SPIRE1: variants seen among roughly 807,000 people sequenced by gnomAD.
SPIRE1 encodes the protein spire type actin nucleation factor 1, also known as protein spire homolog 1.
SPIRE1 carries 40 observed loss-of-function variants against 94.1 expected under a neutral mutation model. That is an observed-to-expected ratio of 0.43 (90% confidence interval 0.33 to 0.55). SPIRE1 has a LOEUF of 0.55. Among genes scored for constraint, SPIRE1 ranks in the 20% least tolerant of loss-of-function variants. The probability of loss-of-function intolerance (pLI) is 0.06; values close to 1 mark genes in which losing one functional copy is unlikely to be tolerated. For missense variants in SPIRE1, 838 were observed against 975.2 expected, an observed-to-expected ratio of 0.86 and a Z score of 1.87; for synonymous variants, 376 against 371.7, an observed-to-expected ratio of 1.01 and a Z score of -0.13.
intron 4 of SPIRE1, among the ~76,000 whole-genome samples, chr18:12,513,814 C>T (rs1340462292): frequency 1.3e-5 from 2 of 151,970 alleles, no homozygotes; most frequent in Non-Finnish European, 2.9e-5. Context: ...TAAGCCACTG[C>T]TCCCGGTCTG....
rs142226113 is a variant in SPIRE1 at position 12,452,320 on chromosome 18, C to G, written c.1947G>C (p.Gly649=). ...GTTTTTCTGACCTCATACTACTTTC[C>G]CCTCTTTGCAGAGCAGAAGGTCCCA... The part of the protein sequence containing the change: ...FSLGPSALQR[G]ESSMRSEKPS... The change falls in exon 16 of 17, where the codon GGG becomes GGC. Residue 649 remains glycine, a synonymous_variant. Transcript: ENST00000409402. 346 of 1,614,030 alleles carry G rather than the reference C, an allele frequency of 2.1e-4. 3 individuals are homozygous for G. In the African/African-American group the frequency reaches 3.8e-3, roughly 18 times the overall value.
chr18:12,624,738 GAC>G (rs2037572885), intron 2 of SPIRE1, among the ~76,000 whole-genome samples: 1 of 145,244 alleles, frequency 6.9e-6, no homozygotes, highest in Non-Finnish European at 1.5e-5. Flanking sequence ...GGGAGGCTGA[GAC>G]AGAATTGCTT....
rs2037887108 is a variant in SPIRE1 at position 12,635,069 on chromosome 18, T to C, written c.365A>G (p.Glu122Gly). ...TTTGAGTATTTCACTTACCTCTGTT[T>C]CCATACATTGTGAATATCCCAATTT... is the stretch of plus-strand genomic sequence containing the variant. ...AGKLGYSQCM[E>G]TEVIESLGII... The change falls in exon 2 of 17, where the codon GAA becomes GGA. Residue 122 changes from glutamate to glycine, a missense_variant. Around this residue, in one of 2 missense-constraint regions of SPIRE1, gnomAD observed 645 missense variants for 804.7 expected, o/e 0.80. Coordinates refer to ENST00000409402, the MANE Select transcript of SPIRE1 (RefSeq NM_001128626.2). 6.9e-7 allele frequency: 1 copy of C among 1,458,674 alleles called. No homozygotes were observed. Among genetic ancestry groups the C allele is most frequent in the Non-Finnish European group, 9.4e-7 (1 of 1,066,066 alleles). 90.4% of individuals were successfully genotyped at this position (1,458,674 alleles called of 1,614,324 possible). A position where few individuals can be genotyped will look rare whatever the true frequency, so the allele number is the denominator to read the frequency against.
At chr18:12,584,613 A>G (rs1445377845) in intron 2 of SPIRE1, among the ~76,000 whole-genome samples, 1 of 152,112 alleles carries the variant, frequency 6.6e-6, no homozygotes, top group African/African-American at 2.4e-5. Context: ...ATCCATAGTC[A>G]CAATAGGAAA....
intron 1 of SPIRE1, among the ~76,000 whole-genome samples, chr18:12,654,686 C>T (rs1159278683): frequency 1.3e-5 from 2 of 151,730 alleles, no homozygotes; most frequent in African/African-American, 4.8e-5. Flanking sequence ...ACTTATTTTC[C>T]CCAACTCTTC....
intron 8 of SPIRE1, among the ~76,000 whole-genome samples, chr18:12,489,578 A>C (rs1275071479): frequency 6.6e-6 from 1 of 152,244 alleles, no homozygotes; most frequent in Non-Finnish European, 1.5e-5. Flanking sequence ...GATCAGAGAC[A>C]TGAACAAAGA....
chr18:12,543,846 T>C (rs1327923815), intron 3 of SPIRE1, among the ~76,000 whole-genome samples: 2 of 152,242 alleles, frequency 1.3e-5, no homozygotes, highest in African/African-American at 2.4e-5. Context: ...TTGTCTTCTC[T>C]TCCAACAAAG....
chr18:12,571,410 A>G (rs527399284), intron 2 of SPIRE1, among the ~76,000 whole-genome samples: 94 of 152,250 alleles, frequency 6.2e-4, no homozygotes, highest in African/African-American at 2.1e-3. Flanking sequence ...AGCTTGGTAG[A>G]ATCATGTAAA....
chr18:12,547,920 A>AAAACAAACAAAC (rs139102568), intron 2 of SPIRE1, among the ~76,000 whole-genome samples: 7 of 151,542 alleles, frequency 4.6e-5, no homozygotes, highest in Admixed American at 6.6e-5. Context: ...CTATCTCATA[A>AAAACAAACAAAC]AAACAAACAA....
chr18:12,589,243 A>T (rs1012530172), intron 2 of SPIRE1, among the ~76,000 whole-genome samples: 3 of 152,206 alleles, frequency 2.0e-5, no homozygotes, highest in African/African-American at 7.2e-5. Context: ...TAAGTAAGTA[A>T]CAGAGCCAGA....
At chr18:12,500,090 G>A (rs183859286) in intron 6 of SPIRE1, among the ~76,000 whole-genome samples, 13 of 152,268 alleles carry the variant, frequency 8.5e-5, no homozygotes, top group African/African-American at 2.9e-4. Flanking sequence ...ACACATGGAC[G>A]CAAAGATGGA....
chr18:12,659,054 C>T (rs978420562), upstream of SPIRE1, among the ~76,000 whole-genome samples: 8 of 152,098 alleles, frequency 5.3e-5, no homozygotes, highest in Admixed American at 5.2e-4. Flanking sequence ...ATTAAATATG[C>T]AATAAAACAG....
chr18:12,501,835 A>G (rs1209985522), intron 6 of SPIRE1, among the ~76,000 whole-genome samples: 1 of 152,146 alleles, frequency 6.6e-6, no homozygotes, highest in Non-Finnish European at 1.5e-5. Flanking sequence ...GGTGGTGCAC[A>G]CTTGTAGTCC....
chr18:12,470,705 C>T (rs1234340126), intron 10 of SPIRE1, among the ~76,000 whole-genome samples: 4 of 152,324 alleles, frequency 2.6e-5, no homozygotes, highest in South Asian at 2.1e-4. Flanking sequence ...TCTATTCCAA[C>T]TGCCTAATCA....
intron 10 of SPIRE1, among the ~76,000 whole-genome samples, chr18:12,465,775 T>C (rs950908604): frequency 6.6e-6 from 1 of 152,090 alleles, no homozygotes; most frequent in Non-Finnish European, 1.5e-5. Context: ...TGAAATGTCA[T>C]ATGAGTCTAG....
rs200182099 is a variant in SPIRE1, at chr18:12,493,196, T to A, written c.1065A>T (p.Ser355=). ...IRSRPPLNPV[S]ARKLKPTPPR... The stretch of plus-strand genomic sequence containing the variant: ...GTGGAGTTGGTTTCAGTTTTCTGGC[T>A]GAGACCTTGAAAGTAAGAAAAATGG... The change falls in exon 8 of 17, where the codon TCA becomes TCT. Residue 355 remains serine, a synonymous_variant. Transcript: ENST00000409402. The A allele has an allele frequency of 6.2e-7, 1 of 1,609,594 alleles. No individual in the cohort carries two copies. The highest frequency in any genetic ancestry group is 8.5e-7 in the Non-Finnish European group (1 of 1,179,072).
At chr18:12,452,114 TTG>T (rs1423031130) in intron 16 of SPIRE1, 139 bp downstream of exon 16, 17 of 945,374 alleles carry the variant, frequency 1.8e-5, no homozygotes, top group Admixed American at 2.9e-5. Context: ...TTTTGGAGAT[TTG>T]TGTGTAAAAC....
At chr18:12,495,618 G>A (rs1195613291) in intron 7 of SPIRE1, among the ~76,000 whole-genome samples, 1 of 152,208 alleles carries the variant, frequency 6.6e-6, no homozygotes, top group Non-Finnish European at 1.5e-5. Context: ...GCCAGCTGTA[G>A]TGGCTCATGT....
intron 9 of SPIRE1, among the ~76,000 whole-genome samples, chr18:12,485,384 C>T (rs1039329619): frequency 5.9e-5 from 9 of 152,088 alleles, no homozygotes; most frequent in South Asian, 2.1e-4. Context: ...GGATTACAGG[C>T]GTGAGCCACC....
Sources: allele counts gnomAD v4.1 joint callset (sites outside exome capture counted in the v4.1 genomes callset), GRCh38; gene constraint gnomAD v4.1.1; regional missense constraint gnomAD v4.1.1; transcripts MANE v1.5; gene names NCBI Gene and HGNC (gene_info 2026-07-23, HGNC 2026-07-21).